TSHZ2: variants seen among roughly 807,000 people sequenced by gnomAD.
TSHZ2 encodes teashirt zinc finger homeobox 2.
TSHZ2 carries 21 observed loss-of-function variants against 74.4 expected under a neutral mutation model. The ratio of observed to expected loss-of-function variants is 0.28; its 90% CI spans 0.20 to 0.41. The LOEUF is 0.41. Ranked by LOEUF, TSHZ2 falls within the 10% of genes least tolerant of loss-of-function variation. The probability of loss-of-function intolerance (pLI) is 1.00; values close to 1 mark genes in which losing one functional copy is unlikely to be tolerated. For synonymous variants in TSHZ2, 540 were observed against 515.3 expected, an observed-to-expected ratio of 1.05 and a Z score of -0.65; for missense variants, 1,244 against 1,293.5, an observed-to-expected ratio of 0.96 and a Z score of 0.59.
chr20:53,068,873 GTT>G (rs528612677), intron 1 of TSHZ2, among the ~76,000 whole-genome samples: 7 of 146,400 alleles, frequency 4.8e-5, no homozygotes, highest in African/African-American at 1.8e-4. Flanking sequence ...ATTTTCTGTT[GTT>G]TTTTTTTTCC....
chr20:53,378,892 A>G lies in TSHZ2; in HGVS notation c.*9-108252A>G, dbSNP rs1025477172. The stretch of plus-strand genomic sequence containing the variant: ...AATATGAGAGATGATATGAGGATGT[A>G]GAAAAAATTTGTGAGAACAGTAAAC... On this transcript the variant is annotated intron_variant, in intron 2 of 2. Coordinates refer to ENST00000371497, the MANE Select transcript of TSHZ2 (RefSeq NM_173485.6). Among the ~76,000 whole-genome samples the G allele has an allele frequency of 3.3e-5, 5 of 152,258 alleles. No homozygotes were observed. The East Asian group carries it at 7.7e-4, about 23-fold the overall frequency.
chr20:53,326,932 A>G (rs2145538138), intron 2 of TSHZ2, among the ~76,000 whole-genome samples: 1 of 152,360 alleles, frequency 6.6e-6, no homozygotes, highest in Middle Eastern at 3.4e-3. Context: ...CCCGTGATAC[A>G]TAAGTTCAGA....
intron 2 of TSHZ2, among the ~76,000 whole-genome samples, chr20:53,261,353 A>G (rs1211611642): frequency 1.3e-5 from 2 of 152,238 alleles, no homozygotes; most frequent in Admixed American, 6.5e-5. Context: ...CTCTTGTTCA[A>G]TCAGGCAATT....
intron 1 of TSHZ2, among the ~76,000 whole-genome samples, chr20:53,042,601 G>A (rs764373847): frequency 2.6e-5 from 4 of 151,116 alleles, no homozygotes; most frequent in South Asian, 2.1e-4. Context: ...CTCAAATTTC[G>A]AGTTCTTTCA....
In TSHZ2 at chr20:53,487,305, A is replaced by G. The variant is rs1316949985; in HGVS notation, c.*170A>G. ...AAAAAAAAAAAAAATCACCCCAGCC[A>G]TTTCTCTTCATCCTCACTAACAATT... On this transcript the variant is annotated 3_prime_UTR_variant, in exon 3 of 3. Transcript: ENST00000371497. 6.7e-6 allele frequency: 1 copy of G among 148,164 alleles called. No individual in the cohort carries two copies. The allele number at this position is 148,164 out of a possible 1,614,324, so 9.2% of individuals were successfully genotyped here.
chr20:53,136,794 G>GA (rs975914966), intron 1 of TSHZ2, among the ~76,000 whole-genome samples: 81 of 145,492 alleles, frequency 5.6e-4, no homozygotes, highest in Admixed American at 1.4e-3. Flanking sequence ...ACCATTACAG[G>GA]AAAAAAAAAA....
At chr20:53,405,658 T>C (rs1982823866) in intron 2 of TSHZ2, among the ~76,000 whole-genome samples, 1 of 152,128 alleles carries the variant, frequency 6.6e-6, no homozygotes, top group South Asian at 2.1e-4. Context: ...TAATTGCAGC[T>C]AGTGATGAGA....
chr20:53,233,194 A>G (rs1989868245), intron 1 of TSHZ2, among the ~76,000 whole-genome samples: 2 of 152,252 alleles, frequency 1.3e-5, no homozygotes. Context: ...TCTTGGAATC[A>G]ATGAAATGCT....
chr20:53,368,264 C>T (rs1175641874), intron 2 of TSHZ2, among the ~76,000 whole-genome samples: 1 of 151,528 alleles, frequency 6.6e-6, no homozygotes, highest in African/African-American at 2.4e-5. Context: ...AACCAAAATA[C>T]CAACGGGGTT....
intron 1 of TSHZ2, among the ~76,000 whole-genome samples, chr20:53,193,821 G>A (rs1013083634): frequency 2.6e-5 from 4 of 151,334 alleles, no homozygotes; most frequent in African/African-American, 9.8e-5. Context: ...TTGACAATAA[G>A]AGGGAGGAAC....
intron 1 of TSHZ2, among the ~76,000 whole-genome samples, chr20:53,114,520 T>C (rs569654243): frequency 5.6e-4 from 85 of 152,334 alleles, no homozygotes; most frequent in African/African-American, 1.9e-3. Context: ...TAGCTACCAC[T>C]GCTCTTTCCA....
chr20:53,392,785 T>G (rs1399549381), intron 2 of TSHZ2, among the ~76,000 whole-genome samples: 1 of 152,120 alleles, frequency 6.6e-6, no homozygotes, highest in Non-Finnish European at 1.5e-5. Flanking sequence ...TGGGTTTTGG[T>G]GTACAGATAA....
chr20:53,051,863 AC>A (rs2123133214), intron 1 of TSHZ2, among the ~76,000 whole-genome samples: 1 of 152,314 alleles, frequency 6.6e-6, no homozygotes, highest in South Asian at 2.1e-4. Context: ...CATAGAACGG[AC>A]CTTTGCAGGA....
At chr20:53,267,645 AG>A (rs1990747891) in intron 2 of TSHZ2, among the ~76,000 whole-genome samples, 1 of 152,200 alleles carries the variant, frequency 6.6e-6, no homozygotes, top group Non-Finnish European at 1.5e-5. Flanking sequence ...GTACCTACAA[AG>A]GGCTGTTTAA....
At chr20:53,010,636 T>G (rs1038223924) in intron 1 of TSHZ2, among the ~76,000 whole-genome samples, 1 of 151,984 alleles carries the variant, frequency 6.6e-6, no homozygotes, top group Non-Finnish European at 1.5e-5. Context: ...CTGAGACACA[T>G]GTCATGAGAG....
At chr20:53,078,171 G>A (rs1327147624) in intron 1 of TSHZ2, among the ~76,000 whole-genome samples, 3 of 152,198 alleles carry the variant, frequency 2.0e-5, no homozygotes, top group African/African-American at 4.8e-5. Context: ...AAGAAAGGGA[G>A]ATTTCCTGAA....
At chr20:53,201,384 G>T (rs191019886) in intron 1 of TSHZ2, among the ~76,000 whole-genome samples, 170 of 152,096 alleles carry the variant, frequency 1.1e-3, no homozygotes, top group African/African-American at 3.9e-3. Context: ...TGCATTCTTC[G>T]GCTCAGGGCT....
chr20:53,396,757 G>A (rs188340177), intron 2 of TSHZ2, among the ~76,000 whole-genome samples: 10 of 151,466 alleles, frequency 6.6e-5, no homozygotes, highest in Non-Finnish European at 8.8e-5. Flanking sequence ...TGAGGTGAGC[G>A]GATCACTTGA....
chr20:53,186,933 C>T (rs569436630), intron 1 of TSHZ2, among the ~76,000 whole-genome samples: 6 of 151,858 alleles, frequency 4.0e-5, no homozygotes, highest in Non-Finnish European at 7.4e-5. Context: ...GGGGCCAGGT[C>T]GAAAGAAACC....
Sources: allele counts gnomAD v4.1 joint callset (sites outside exome capture counted in the v4.1 genomes callset), GRCh38; gene constraint gnomAD v4.1.1; transcripts MANE v1.5; gene names NCBI Gene and HGNC (gene_info 2026-07-23, HGNC 2026-07-21).